HS6ST3: variants seen among roughly 807,000 people sequenced by gnomAD.
The protein encoded by HS6ST3 is heparan-sulfate 6-O-sulfotransferase 3.
HS6ST3 carries 12 observed loss-of-function variants against 36.7 expected under a neutral mutation model. The observed-to-expected ratio is 0.33, with a 90% confidence interval of 0.21 to 0.53. The LOEUF (loss-of-function observed/expected upper bound fraction) is 0.53. Ranked by LOEUF, HS6ST3 falls within the 20% of genes least tolerant of loss-of-function variation. HS6ST3 has a pLI of 0.95. For synonymous variants in HS6ST3, 240 were observed against 257.5 expected (o/e 0.93, Z 0.65); for missense variants, 584 against 640.9 (o/e 0.91, Z 0.96).
chr13:96,521,336 C>G (rs1197919154), intron 1 of HS6ST3, among the ~76,000 whole-genome samples: 1 of 152,088 alleles, frequency 6.6e-6, no homozygotes, highest in Non-Finnish European at 1.5e-5. Context: ...GTCTGCCAGG[C>G]TTTGGTATTA....
intron 1 of HS6ST3, among the ~76,000 whole-genome samples, chr13:96,259,754 T>C (rs2054654988): frequency 6.6e-6 from 1 of 152,230 alleles, no homozygotes; most frequent in African/African-American, 2.4e-5. Flanking sequence ...TTTTACCTTC[T>C]CCTTTTTCTA....
At chr13:96,321,531 T>G (rs1034283571) in intron 1 of HS6ST3, among the ~76,000 whole-genome samples, 2 of 152,202 alleles carry the variant, frequency 1.3e-5, no homozygotes, top group African/African-American at 4.8e-5. Context: ...CCCAACTTAT[T>G]TTCTCTGTAT....
intron 1 of HS6ST3, among the ~76,000 whole-genome samples, chr13:96,735,052 A>G (rs1335780956): frequency 6.6e-6 from 1 of 152,184 alleles, no homozygotes; most frequent in Admixed American, 6.5e-5. Flanking sequence ...TACTCATTCA[A>G]ATTAAGAACA....
intron 1 of HS6ST3, among the ~76,000 whole-genome samples, chr13:96,333,752 A>T (rs1486472161): frequency 6.6e-6 from 1 of 152,166 alleles, no homozygotes; most frequent in East Asian, 1.9e-4. Context: ...GACACTCCAC[A>T]CTGACACATG....
chr13:96,304,897 G>C (rs2054904573), intron 1 of HS6ST3, among the ~76,000 whole-genome samples: 1 of 151,384 alleles, frequency 6.6e-6, no homozygotes, highest in Non-Finnish European at 1.5e-5. Context: ...TTTTAGTAGA[G>C]ATGGAGTTTC....
intron 1 of HS6ST3, among the ~76,000 whole-genome samples, chr13:96,621,732 T>G (rs559903680): frequency 1.3e-5 from 2 of 152,174 alleles, no homozygotes; most frequent in Non-Finnish European, 2.9e-5. Context: ...AAAAAATAAA[T>G]TGATGTCTTG....
intron 1 of HS6ST3, among the ~76,000 whole-genome samples, chr13:96,180,097 A>T (rs1425202452): frequency 6.6e-6 from 1 of 152,142 alleles, no homozygotes; most frequent in Admixed American, 6.6e-5. Context: ...AGCCTCCCAA[A>T]GTGTTGGGAT....
At position 96,400,449 on chromosome 13, in the gene HS6ST3, T is replaced by A. The variant is rs1437094586; in HGVS notation, c.707+308880T>A. On this transcript the variant is annotated intron_variant, in intron 1 of 1. Coordinates refer to ENST00000376705, the MANE Select transcript of HS6ST3 (RefSeq NM_153456.4). ...TCTAGTAAAGTGTCCTGATAGGTAT[T>A]AATTTGAGGTTTGTTAACTGATTAA... Among the ~76,000 whole-genome samples the A allele has an allele frequency of 2.6e-5, 4 of 152,218 alleles. No homozygotes were observed. In the East Asian group the frequency reaches 7.7e-4, roughly 29 times the overall value.
At chr13:96,476,594 C>T (rs1280677214) in intron 1 of HS6ST3, among the ~76,000 whole-genome samples, 1 of 152,100 alleles carries the variant, frequency 6.6e-6, no homozygotes, top group South Asian at 2.1e-4. Flanking sequence ...ATCTCCTGAC[C>T]TCGTGATTGG....
rs145815469 is a variant in HS6ST3, at chr13:96,614,114, T to C, written c.708-218376T>C. Among the ~76,000 whole-genome samples the C allele has an allele frequency of 5.6e-3, 852 of 151,340 alleles. 5 individuals are homozygous for C. The highest frequency in any genetic ancestry group is 0.02 in the African/African-American group (804 of 41,218). On this transcript the variant is annotated intron_variant, in intron 1 of 1. Transcript: ENST00000376705. ...GAGATGGAGACCATCCTGGCTAACA[T>C]GGTGAAACCCCGTCTCTACTAAAAA...
chr13:96,796,306 C>T (rs1022597683), intron 1 of HS6ST3, among the ~76,000 whole-genome samples: 1 of 152,038 alleles, frequency 6.6e-6, no homozygotes, highest in Admixed American at 6.6e-5. Context: ...CAGATCTTGG[C>T]AATACCTGAC....
chr13:96,441,984 T>A (rs770117700), intron 1 of HS6ST3, among the ~76,000 whole-genome samples: 34 of 151,470 alleles, frequency 2.2e-4, no homozygotes, highest in Middle Eastern at 3.2e-3. Context: ...TCACAAATTC[T>A]CACATTGAAA....
chr13:96,536,126 G>A (rs908787199), intron 1 of HS6ST3, among the ~76,000 whole-genome samples: 2 of 152,164 alleles, frequency 1.3e-5, no homozygotes, highest in Non-Finnish European at 2.9e-5. Flanking sequence ...TCAACGTGAA[G>A]CATTCAAAGG....
chr13:96,525,225 A>G (rs909337001), intron 1 of HS6ST3, among the ~76,000 whole-genome samples: 2 of 152,192 alleles, frequency 1.3e-5, no homozygotes, highest in African/African-American at 2.4e-5. Context: ...TTCCACAGGC[A>G]AATTGCTTAA....
intron 1 of HS6ST3, among the ~76,000 whole-genome samples, chr13:96,599,974 G>A (rs551829282): frequency 6.6e-6 from 1 of 151,922 alleles, no homozygotes; most frequent in East Asian, 1.9e-4. Flanking sequence ...TTCTAGTTTG[G>A]GGCCAGTGTT....
At chr13:96,643,763 A>G (rs140249158) in intron 1 of HS6ST3, among the ~76,000 whole-genome samples, 4 of 151,902 alleles carry the variant, frequency 2.6e-5, no homozygotes, top group Non-Finnish European at 5.9e-5. Flanking sequence ...TTCTTACCCT[A>G]TTTTACCCCC....
chr13:96,283,368 C>T (rs1005320597), intron 1 of HS6ST3, among the ~76,000 whole-genome samples: 5 of 152,176 alleles, frequency 3.3e-5, no homozygotes, highest in African/African-American at 1.2e-4. Context: ...AGATTATTTT[C>T]ATGCTAATGA....
At chr13:96,221,134 T>G (rs1452592210) in intron 1 of HS6ST3, among the ~76,000 whole-genome samples, 1 of 152,222 alleles carries the variant, frequency 6.6e-6, no homozygotes, top group Admixed American at 6.5e-5. Flanking sequence ...AAACCTTCTT[T>G]TTTTAACAGG....
chr13:96,312,951 C>CAAAA lies in HS6ST3; in HGVS notation c.707+221402_707+221405dup, dbSNP rs754098470. 8.1e-4 allele frequency among the ~76,000 whole-genome samples: 66 copies of CAAAA among 81,364 alleles called. 1 individual carries two copies. Among genetic ancestry groups the CAAAA allele is most frequent in the African/African-American group, 2.5e-3 (55 of 22,046 alleles). 53.4% of individuals were successfully genotyped at this position (81,364 alleles called of 152,430 possible). On this transcript the variant is annotated intron_variant, in intron 1 of 1. Transcript: ENST00000376705. Reference sequence around the variant, plus strand: ...TGGGTGACAGAGTGAGACCCTGTCTCAAAAAAAAAAAAAAAAAAAAAAAGT... The same window carrying CAAAA: ...TGGGTGACAGAGTGAGACCCTGTCTCAAAAAAAAAAAAAAAAAAAAAAAAAAAGT...
Sources: gnomAD v4.1 joint callset for allele counts (sites outside exome capture counted in the v4.1 genomes callset) on GRCh38, gnomAD v4.1.1 for gene constraint, MANE v1.5 for transcripts, NCBI Gene and HGNC (gene_info 2026-07-23, HGNC 2026-07-21) for gene names.